Variants in ATP9B observed in about 807,000 individuals in gnomAD.
ATP9B encodes probable phospholipid-transporting ATPase IIB.
Under a neutral mutation model 146.1 loss-of-function variants are expected in ATP9B, and 110 were observed. The observed-to-expected ratio is 0.75, with a 90% CI of 0.65 to 0.88. The LOEUF is 0.88. Ranked by LOEUF, ATP9B falls within the 40% of genes least tolerant of loss-of-function variation. The probability of loss-of-function intolerance (pLI) is 0.00; values close to 1 mark genes in which losing one functional copy is unlikely to be tolerated. For synonymous variants in ATP9B, 604 were observed against 569.7 expected, an observed-to-expected ratio of 1.06 and a Z score of -0.86; for missense variants, 1,499 against 1,496.4, an observed-to-expected ratio of 1.00 and a Z score of -0.03.
chr18:79,219,214 G>A (rs1348727771), intron 11 of ATP9B, among the ~76,000 whole-genome samples: 2 of 152,140 alleles, frequency 1.3e-5, no homozygotes, highest in South Asian at 2.1e-4. Context: ...TGCAATCACA[G>A]CTGGAGGACT....
At chr18:79,341,245 G>C in intron 19 of ATP9B, among the ~76,000 whole-genome samples, 2 of 150,250 alleles carry the variant, frequency 1.3e-5, no homozygotes. Context: ...CCATTTAGTT[G>C]TGGTTGGATG....
At chr18:79,202,743 C>T (rs2095500010) in intron 9 of ATP9B, among the ~76,000 whole-genome samples, 1 of 152,166 alleles carries the variant, frequency 6.6e-6, no homozygotes, top group South Asian at 2.1e-4. Flanking sequence ...CAATCATCGC[C>T]ATTCCAGAAC....
At chr18:79,107,796 C>T (rs2075753865) in intron 2 of ATP9B, among the ~76,000 whole-genome samples, 1 of 152,210 alleles carries the variant, frequency 6.6e-6, no homozygotes, top group Non-Finnish European at 1.5e-5. Context: ...GAGCTGGCCT[C>T]TGCCTGTTGT....
chr18:79,193,186 CT>C lies in ATP9B; in HGVS notation c.883del (p.Ser295LeufsTer37). On this transcript the variant is annotated frameshift_variant, in exon 9 of 30. Transcript: ENST00000426216. LOFTEE classifies it high-confidence loss of function. The stretch of plus-strand genomic sequence containing the variant: ...ATTCAAATGTTCTGTATTCCAGGAC[CT>C]TTTTTCTATCAGTGCTTATGTTTAT... ...CTQQLPALGD[L>X]FSISAYVYAQ... 2 of 1,600,356 alleles carry C rather than the reference CT, an allele frequency of 1.2e-6. No individual in the cohort carries two copies. Among genetic ancestry groups the C allele is most frequent in the African/African-American group, 1.3e-5 (1 of 74,650 alleles).
chr18:79,175,464 A>G (rs1222004270), intron 7 of ATP9B, among the ~76,000 whole-genome samples: 3 of 152,230 alleles, frequency 2.0e-5, no homozygotes, highest in Non-Finnish European at 2.9e-5. Context: ...ACACACATAC[A>G]TGCGTACACA....
intron 17 of ATP9B, among the ~76,000 whole-genome samples, chr18:79,334,783 AC>A (rs201574295): frequency 0.042 from 3,320 of 79,966 alleles, 111 homozygotes; most frequent in African/African-American, 0.12. Context: ...CCAGACGCCC[AC>A]CCCCCCCTTG....
intron 13 of ATP9B, among the ~76,000 whole-genome samples, chr18:79,298,023 G>A: frequency 6.8e-6 from 1 of 147,230 alleles, no homozygotes; most frequent in East Asian, 2.0e-4. Flanking sequence ...CTCACTCTGT[G>A]TGATGGAGAC....
intron 9 of ATP9B, among the ~76,000 whole-genome samples, chr18:79,202,614 T>C (rs1053805892): frequency 2.0e-5 from 3 of 152,204 alleles, no homozygotes; most frequent in Non-Finnish European, 4.4e-5. Flanking sequence ...GAAAGTGAAA[T>C]AGAACATTTT....
At chr18:79,149,528 T>C (rs1407121042) in intron 6 of ATP9B, among the ~76,000 whole-genome samples, 1 of 152,072 alleles carries the variant, frequency 6.6e-6, no homozygotes, top group Non-Finnish European at 1.5e-5. Context: ...TTAGACTTGA[T>C]ACCAAAAGGA....
At chr18:79,173,518 A>C (rs142381168) in intron 7 of ATP9B, among the ~76,000 whole-genome samples, 129 of 152,116 alleles carry the variant, frequency 8.5e-4, no homozygotes, top group African/African-American at 2.8e-3. Context: ...GGTTCAGGTC[A>C]AGGCTTTGGG....
intron 8 of ATP9B, among the ~76,000 whole-genome samples, chr18:79,180,914 C>G (rs767506082): frequency 1.3e-5 from 2 of 151,838 alleles, no homozygotes; most frequent in African/African-American, 2.4e-5. Context: ...TGTCTCAGCT[C>G]CTAGGTAGCT....
At chr18:79,311,738 C>G (rs1241222413) in intron 15 of ATP9B, among the ~76,000 whole-genome samples, 3 of 152,184 alleles carry the variant, frequency 2.0e-5, no homozygotes, top group African/African-American at 4.8e-5. Flanking sequence ...CTCATCTCCC[C>G]TCAGACTCTG....
intron 13 of ATP9B, among the ~76,000 whole-genome samples, chr18:79,296,973 G>A (rs1341034840): frequency 6.8e-6 from 1 of 147,886 alleles, no homozygotes; most frequent in Non-Finnish European, 1.5e-5. Context: ...AGAGGAGACA[G>A]AGAGATGACC....
intron 11 of ATP9B, among the ~76,000 whole-genome samples, 181 bp from the exon 12 acceptor site, chr18:79,253,200 C>G (rs2096047149): frequency 6.6e-6 from 1 of 152,192 alleles, no homozygotes; most frequent in South Asian, 2.1e-4. Flanking sequence ...TCTGGAAATG[C>G]TCTGGGGATC....
intron 7 of ATP9B, among the ~76,000 whole-genome samples, chr18:79,172,256 T>C (rs1233939474): frequency 2.4e-5 from 2 of 82,288 alleles, no homozygotes; most frequent in African/African-American, 9.7e-5. Flanking sequence ...ATTACAGGCG[T>C]AGCCACCGTG....
intron 5 of ATP9B, among the ~76,000 whole-genome samples, chr18:79,140,662 T>G (rs1394340795): frequency 6.6e-6 from 1 of 151,804 alleles, no homozygotes; most frequent in African/African-American, 2.4e-5. Flanking sequence ...GTGCTTGTAA[T>G]CCAGCTACTT....
chr18:79,172,642 C>T (rs1331101542), intron 7 of ATP9B, among the ~76,000 whole-genome samples: 1 of 152,246 alleles, frequency 6.6e-6, no homozygotes, highest in Admixed American at 6.5e-5. Context: ...CCACCGTGCC[C>T]GCCTAGAGAC....
chr18:79,137,558 G>A (rs569615918), intron 5 of ATP9B, among the ~76,000 whole-genome samples: 4 of 152,230 alleles, frequency 2.6e-5, no homozygotes, highest in East Asian at 1.9e-4. Context: ...AGTCTGGCTC[G>A]AAGGGCACTT....
chr18:79,225,368 T>C (rs1026116980), intron 11 of ATP9B, among the ~76,000 whole-genome samples: 1 of 152,258 alleles, frequency 6.6e-6, no homozygotes, highest in Non-Finnish European at 1.5e-5. Context: ...TAATTACCTG[T>C]TGCAAAACTT....
Sources: gnomAD v4.1 joint callset for allele counts (sites outside exome capture counted in the v4.1 genomes callset) on GRCh38, gnomAD v4.1.1 for gene constraint, MANE v1.5 for transcripts, NCBI Gene and HGNC (gene_info 2026-07-23, HGNC 2026-07-21) for gene names.